Variants in DIXDC1 observed in about 807,000 individuals in gnomAD.
DIXDC1 encodes dixin.
A neutral mutation model predicts 103.1 loss-of-function variants in DIXDC1; 64 were observed. That is an observed-to-expected ratio of 0.62 (90% CI 0.51 to 0.76). The LOEUF (loss-of-function observed/expected upper bound fraction) is 0.76, where lower values mean the gene tolerates loss of function less well. Ranked by LOEUF, DIXDC1 falls within the 30% of genes least tolerant of loss-of-function variation. The pLI is 0.00. For synonymous variants in DIXDC1, 266 were observed against 298.5 expected (o/e 0.89, Z 1.12); for missense variants, 759 against 834.2 (o/e 0.91, Z 1.11).
chr11:111,929,540 G>A lies in DIXDC1; in HGVS notation c.-36-278G>A, dbSNP rs1965945798. 3.4e-5 allele frequency among the ~76,000 whole-genome samples: 5 copies of A among 147,688 alleles called. No individual in the cohort carries two copies. The South Asian group carries it at 8.5e-4, about 25-fold the overall frequency. On this transcript the variant is annotated intron_variant, in intron 1 of 5. Coordinates refer to the DIXDC1 transcript ENST00000529225. ...AAAGGCTGCAGTGAGTTATGACAGT[G>A]CCAGTGCACTCCAGCCTGAGTGCCG... is the stretch of plus-strand genomic sequence containing the variant.
In DIXDC1 at chr11:111,940,313, G is replaced by C. The variant is rs587675901; in HGVS notation, c.60+2754G>C. ...TCAGTGCTTTCAATGCAATGCCTTT[G>C]AATGGCATGGTTAATTTGGATGGCA... is the stretch of plus-strand genomic sequence containing the variant. On this transcript the variant is annotated intron_variant, in intron 1 of 19. Coordinates refer to ENST00000440460, the MANE Select transcript of DIXDC1 (RefSeq NM_001037954.4). 3.3e-4 allele frequency among the ~76,000 whole-genome samples: 51 copies of C among 152,336 alleles called. 1 individual carries two copies. In the South Asian group the frequency reaches 0.011, roughly 32 times the overall value.
At chr11:111,969,044 G>A (rs916268379) in intron 3 of DIXDC1, among the ~76,000 whole-genome samples, 32 of 151,542 alleles carry the variant, frequency 2.1e-4, no homozygotes, top group African/African-American at 7.5e-4. Flanking sequence ...CTCCCAAAGT[G>A]CTGGGATTAC....
chr11:111,999,991 C>A (rs1861017599), intron 17 of DIXDC1, among the ~76,000 whole-genome samples: 1 of 152,004 alleles, frequency 6.6e-6, no homozygotes. Flanking sequence ...CAAAAATTAG[C>A]TGGGGGTGGT....
chr11:111,995,149 C>G (rs1555175192), intron 15 of DIXDC1, 41 bp downstream of exon 15: 1 of 1,594,682 alleles, frequency 6.3e-7, no homozygotes, highest in Admixed American at 1.7e-5. Context: ...CCACTTCTCA[C>G]TGAAACCAGA....
chr11:111,943,640 T>C (rs1311563901), intron 1 of DIXDC1, among the ~76,000 whole-genome samples: 3 of 151,922 alleles, frequency 2.0e-5, no homozygotes, highest in African/African-American at 7.3e-5. Context: ...GCTGGGACTA[T>C]AGATGCGTGC....
chr11:111,970,293 G>C (rs1371532777), intron 3 of DIXDC1, among the ~76,000 whole-genome samples: 4 of 152,032 alleles, frequency 2.6e-5, no homozygotes, highest in African/African-American at 9.7e-5. Flanking sequence ...GACCTCAAGT[G>C]ATCCACCTGC....
At position 111,977,765 on chromosome 11, in the gene DIXDC1, G is replaced by A; in HGVS notation, c.656+2782G>A. 13 of 1,566,414 alleles carry A rather than the reference G, an allele frequency of 8.3e-6. No homozygotes were observed. Among genetic ancestry groups the A allele is most frequent in the Non-Finnish European group, 1.1e-5 (13 of 1,156,028 alleles). On this transcript the variant is annotated intron_variant, in intron 5 of 19. Coordinates refer to ENST00000440460, the MANE Select transcript of DIXDC1 (RefSeq NM_001037954.4). This position sits in a 1 kb window ranked among gnomAD's most constrained non-coding sequence, Gnocchi z 6.1. ...GGCTTGCTGAAGCCCGAGACAGGAG[G>A]GGGACCATGGGAGGGACGCAAGTCA...
intron 10 of DIXDC1, among the ~76,000 whole-genome samples, chr11:111,991,261 T>A (rs1860704750): frequency 6.6e-6 from 1 of 152,228 alleles, no homozygotes; most frequent in Non-Finnish European, 1.5e-5. Context: ...CTGTGAATAA[T>A]AACATGTAAA....
intron 10 of DIXDC1, among the ~76,000 whole-genome samples, chr11:111,989,515 T>C (rs1860621292): frequency 6.6e-6 from 1 of 151,170 alleles, no homozygotes; most frequent in Admixed American, 6.6e-5. Context: ...TCCCAGCTAC[T>C]TGGGAGGCTG....
chr11:111,975,700 C>T, intron 5 of DIXDC1: 1 of 985,518 alleles, frequency 1.0e-6, no homozygotes, highest in Non-Finnish European at 1.2e-6. Context: ...GCTCTAATGA[C>T]CTTTTCTTTC....
chr11:111,949,554 G>C (rs1462266954), intron 1 of DIXDC1, among the ~76,000 whole-genome samples: 1 of 152,158 alleles, frequency 6.6e-6, no homozygotes, highest in Non-Finnish European at 1.5e-5. Context: ...CTCCTCGTTG[G>C]CTTCTTCAAT....
At position 111,996,083 on chromosome 11, in the gene DIXDC1, C is replaced by T. The variant is rs374982364; in HGVS notation, c.1693C>T (p.Arg565Trp). Residue 565 changes from arginine to tryptophan, a missense_variant, in exon 17 of 20, where the codon CGG becomes TGG. Arg to Trp is a moderately radical substitution (Grantham distance 101). Coordinates refer to ENST00000440460, the MANE Select transcript of DIXDC1 (RefSeq NM_001037954.4). ...ETQKKQERKV[R>W]VKSPRTQVGS... ...TGATTTTTGTGTGGCTCCCCAGGTT[C>T]GGGTCAAGTCACCCAGAACTCAAGT... is the stretch of plus-strand genomic sequence containing the variant. 58 of 1,613,306 alleles carry T rather than the reference C, an allele frequency of 3.6e-5. 3 individuals carry two copies. In the South Asian group the frequency reaches 4.7e-4, roughly 13 times the overall value.
intron 1 of DIXDC1, among the ~76,000 whole-genome samples, chr11:111,953,798 TG>T (rs1185121047): frequency 1.3e-5 from 2 of 152,242 alleles, no homozygotes; most frequent in Non-Finnish European, 2.9e-5. Flanking sequence ...AGCAGTATTT[TG>T]GCTGTGTACT....
rs1330386716 is a variant in DIXDC1, at chr11:111,993,586, C to T, written c.1363C>T (p.Gln455Ter). The T allele has an allele frequency of 6.2e-7, 1 of 1,613,868 alleles. No homozygotes were observed. The highest frequency in any genetic ancestry group is 8.5e-7 in the Non-Finnish European group (1 of 1,179,896). ...LRKLSDVSYH[Q>*]VDLERELEHK... The stretch of plus-strand genomic sequence containing the variant: ...GAAACTCTCTGATGTCAGTTACCAC[C>T]AGGTCAGAACATATTCAGCCACTGA... Residue 455 changes from glutamine (Q) to a stop codon, truncating the protein, a stop_gained and splice_region_variant, in exon 13 of 20, where the codon CAG becomes TAG. Coordinates refer to ENST00000440460, the MANE Select transcript of DIXDC1 (RefSeq NM_001037954.4). LOFTEE classifies it high-confidence loss of function.
chr11:111,961,375 C>T (rs1221818860), intron 1 of DIXDC1, among the ~76,000 whole-genome samples: 1 of 152,212 alleles, frequency 6.6e-6, no homozygotes, highest in Admixed American at 6.5e-5. Context: ...ATTCCATATT[C>T]ATGATTTACT....
intron 15 of DIXDC1, 71 bp from the exon 16 acceptor site, chr11:111,995,332 A>G (rs1860860861): frequency 1.3e-6 from 2 of 1,584,566 alleles, no homozygotes; most frequent in South Asian, 2.2e-5. Flanking sequence ...CTTCTCTCCT[A>G]TATCCTTTTA....
chr11:112,014,226 G>C (rs73561939), intron 17 of DIXDC1, among the ~76,000 whole-genome samples: 3,803 of 152,258 alleles, frequency 0.025, 163 homozygotes, highest in African/African-American at 0.087. Context: ...TTTGCTGCGA[G>C]ATCAACTTTT....
At position 111,977,635 on chromosome 11, in the gene DIXDC1, C is replaced by G; in HGVS notation, c.656+2652C>G. The G allele has an allele frequency of 6.5e-7, 1 of 1,542,574 alleles. No individual in the cohort carries two copies. Among genetic ancestry groups the G allele is most frequent in the East Asian group, 2.5e-5 (1 of 40,406 alleles). ...CCCGCGAGCCGGGCCAGTAGCTTTG[C>G]TAGCTGGCCTTCCCGTGGAGGCGTT... On this transcript the variant is annotated intron_variant, in intron 5 of 19. Transcript: ENST00000440460. The surrounding 1 kb of genome is among the most constrained non-coding windows in gnomAD (Gnocchi z 6.1).
intron 17 of DIXDC1, among the ~76,000 whole-genome samples, chr11:112,009,646 T>G (rs1861351919): frequency 6.6e-6 from 1 of 152,206 alleles, no homozygotes; most frequent in Non-Finnish European, 1.5e-5. Flanking sequence ...GATGCAAGGC[T>G]GGTTCAACAT....
Sources: gnomAD v4.1 joint callset for allele counts (sites outside exome capture counted in the v4.1 genomes callset) on GRCh38, gnomAD v4.1.1 for gene constraint, Gnocchi (gnomAD v3.1) non-coding constraint, MANE v1.5 for transcripts, NCBI Gene and HGNC (gene_info 2026-07-23, HGNC 2026-07-21) for gene names.